The following BEGAIN variants were observed in gnomAD, a reference collection of about 807,000 sequenced individuals.
The protein encoded by BEGAIN is brain enriched guanylate kinase associated.
BEGAIN carries 19 observed loss-of-function variants against 35.8 expected under a neutral mutation model. The ratio of observed to expected loss-of-function variants is 0.53; its 90% CI spans 0.37 to 0.78. The LOEUF is 0.78. Among genes scored for constraint, BEGAIN ranks in the 30% least tolerant of loss-of-function variants. The probability of loss-of-function intolerance (pLI) is 0.00; values close to 1 mark genes in which losing one functional copy is unlikely to be tolerated. For missense variants in BEGAIN, 795 were observed against 853.6 expected (o/e 0.93, Z 0.85); for synonymous variants, 462 against 388.6 (o/e 1.19, Z -2.22).
At chr14:100,545,372 G>A (rs536776191) in intron 3 of BEGAIN, 10 of 1,211,082 alleles carry the variant, frequency 8.3e-6, no homozygotes, top group East Asian at 8.4e-5. Flanking sequence ...ATCCACACGC[G>A]GAGCCAGTTT....
rs1398236670 is a variant in BEGAIN, at chr14:100,537,967, GCT to G, written c.1839_*1del. 6.2e-7 allele frequency: 1 copy of G among 1,603,852 alleles called. No individual in the cohort carries two copies. The highest frequency in any genetic ancestry group is 8.5e-7 in the Non-Finnish European group (1 of 1,176,496). On this transcript the variant is annotated stop_lost and 3_prime_UTR_variant, in exon 7 of 7. Coordinates refer to ENST00000554140, the MANE Select transcript of BEGAIN (RefSeq NM_001385089.1). ...ACCACGGCCAGGCCTGCACGCAGGC[GCT>G]CAGTTGAGCAAGGTTCCGTAGAGCT...
intron 1 of BEGAIN, among the ~76,000 whole-genome samples, chr14:100,583,002 G>A (rs901371050): frequency 4.0e-5 from 6 of 150,600 alleles, no homozygotes; most frequent in East Asian, 2.0e-4. Context: ...TCAACCAACC[G>A]TCCTTCACCA....
At chr14:100,566,519 C>G (rs112203900) in intron 2 of BEGAIN, among the ~76,000 whole-genome samples, 28 of 152,304 alleles carry the variant, frequency 1.8e-4, no homozygotes, top group African/African-American at 2.2e-4. Context: ...TTTCCTCCCC[C>G]CCACAGGCGG....
chr14:100,568,092 G>C lies in BEGAIN; in HGVS notation c.43-153C>G, dbSNP rs564618497. Reference sequence around the variant, plus strand: ...CCGCGCGTCCCCAGCTTCCAGTCCCGGCCGCGGCCCCCGTGACTCAGTGGG... The same window carrying C: ...CCGCGCGTCCCCAGCTTCCAGTCCCCGCCGCGGCCCCCGTGACTCAGTGGG... On this transcript the variant is annotated intron_variant, in intron 1 of 6. Transcript: ENST00000554140. This position sits in a 1 kb window ranked among gnomAD's most constrained non-coding sequence, Gnocchi z 7.5. 1 of 1,048,858 alleles carries C rather than the reference G, an allele frequency of 9.5e-7. No homozygotes were observed. Among genetic ancestry groups the C allele is most frequent in the Non-Finnish European group, 1.1e-6 (1 of 873,012 alleles). 65.0% of individuals were successfully genotyped at this position (1,048,858 alleles called of 1,614,324 possible). A position where few individuals can be genotyped will look rare whatever the true frequency, so the allele number is the denominator to read the frequency against.
chr14:100,539,827 G>A (rs1388161149), intron 6 of BEGAIN, among the ~76,000 whole-genome samples: 3 of 152,324 alleles, frequency 2.0e-5, no homozygotes, highest in African/African-American at 7.2e-5. Context: ...GAGGGCCAGG[G>A]CTGAGAGCGC....
chr14:100,557,767 T>C (rs2033888007), intron 2 of BEGAIN, among the ~76,000 whole-genome samples: 1 of 152,076 alleles, frequency 6.6e-6, no homozygotes, highest in Admixed American at 6.5e-5. Flanking sequence ...CCCTCGACTT[T>C]CCTGGAAAGT....
chr14:100,578,862 T>G (rs1478845994), intron 1 of BEGAIN, among the ~76,000 whole-genome samples: 1 of 150,594 alleles, frequency 6.6e-6, no homozygotes, highest in Non-Finnish European at 1.5e-5. Flanking sequence ...GGTACTTTTT[T>G]TTTTTTTTTT....
rs1474990588 is a variant in BEGAIN, at chr14:100,538,711, G to A, written c.1097C>T (p.Pro366Leu). 5 of 1,563,740 alleles carry A rather than the reference G, an allele frequency of 3.2e-6. No individual in the cohort carries two copies. Among genetic ancestry groups the A allele is most frequent in the Non-Finnish European group, 4.3e-6 (5 of 1,154,544 alleles). ...CGCGGCCGTGGCCTTGGCAAAGCGA[G>A]GGCTGCCCTCGTAGGTGGTGGCGGG... is the stretch of plus-strand genomic sequence containing the variant. ...KPPATTYEGS[P>L]RFAKATAAVA... Residue 366 changes from proline (P) to leucine (L), a missense_variant, in exon 7 of 7, where the codon CCT becomes CTT. Coordinates refer to ENST00000554140, the MANE Select transcript of BEGAIN (RefSeq NM_001385089.1).
intron 1 of BEGAIN, among the ~76,000 whole-genome samples, chr14:100,571,082 C>T (rs937689699): frequency 1.3e-5 from 2 of 152,146 alleles, no homozygotes; most frequent in Non-Finnish European, 2.9e-5. Flanking sequence ...GGGGACAGTC[C>T]TCATGGCACA....
chr14:100,570,748 G>A (rs1595147223), intron 1 of BEGAIN, among the ~76,000 whole-genome samples: 1 of 151,922 alleles, frequency 6.6e-6, no homozygotes, highest in Admixed American at 6.6e-5. Flanking sequence ...CTCCCATGAG[G>A]CTCCTGCACG....
At chr14:100,564,546 G>A (rs1045563917) in intron 2 of BEGAIN, among the ~76,000 whole-genome samples, 4 of 152,162 alleles carry the variant, frequency 2.6e-5, no homozygotes, top group African/African-American at 2.4e-5. Context: ...CCGGGACTTG[G>A]TAATATCTAT....
chr14:100,571,648 G>A (rs894033979), intron 1 of BEGAIN, among the ~76,000 whole-genome samples: 3 of 152,180 alleles, frequency 2.0e-5, no homozygotes, highest in African/African-American at 7.2e-5. Flanking sequence ...CCCCAGACAA[G>A]GTGGAGGGGG....
intron 2 of BEGAIN, chr14:100,547,284 T>G (rs2032653593): frequency 1.3e-5 from 2 of 152,294 alleles, no homozygotes. Context: ...TGAGGCTGCA[T>G]GCAGCACGGG....
chr14:100,554,045 G>A (rs1243716359), intron 2 of BEGAIN, among the ~76,000 whole-genome samples: 3 of 152,222 alleles, frequency 2.0e-5, no homozygotes, highest in African/African-American at 7.2e-5. Context: ...GGGCCACCGG[G>A]CCCATGCCCT....
At chr14:100,582,370 C>T (rs2035338244) in intron 1 of BEGAIN, among the ~76,000 whole-genome samples, 1 of 152,192 alleles carries the variant, frequency 6.6e-6, no homozygotes, top group Non-Finnish European at 1.5e-5. Flanking sequence ...GTCTTGATCT[C>T]CTGACCTCGT....
intron 2 of BEGAIN, among the ~76,000 whole-genome samples, chr14:100,553,774 C>T (rs1566969028): frequency 6.6e-6 from 1 of 152,216 alleles, no homozygotes; most frequent in Admixed American, 6.5e-5. Context: ...CTGGACAACC[C>T]TCCTGCTGGG....
chr14:100,541,872 C>G (rs1051764807), intron 5 of BEGAIN, among the ~76,000 whole-genome samples: 2 of 152,234 alleles, frequency 1.3e-5, no homozygotes, highest in Admixed American at 6.5e-5. Flanking sequence ...TCACGGGACA[C>G]TCTGGCAGAG....
chr14:100,553,592 C>G (rs1022644392), intron 2 of BEGAIN, among the ~76,000 whole-genome samples: 1 of 152,152 alleles, frequency 6.6e-6, no homozygotes, highest in African/African-American at 2.4e-5. Flanking sequence ...TCCATGCTGT[C>G]CTCTCCCCTG....
At position 100,563,714 on chromosome 14, in the gene BEGAIN, C is replaced by A. The variant is rs2034464103; in HGVS notation, c.71+4197G>T. On this transcript the variant is annotated intron_variant, in intron 2 of 6. Transcript: ENST00000554140. The surrounding 1 kb of genome is among the most constrained non-coding windows in gnomAD (Gnocchi z 4.2). ...TGCCCCGGAGGTTCCACTGAGGGTG[C>A]ACACCCAGAATCGCAGCCCACATCC... Among the ~76,000 whole-genome samples the A allele has an allele frequency of 6.6e-6, 1 of 152,190 alleles. No individual in the cohort carries two copies. The highest frequency in any genetic ancestry group is 2.1e-4 in the South Asian group (1 of 4,830).
Sources: gnomAD v4.1 joint callset for allele counts (sites outside exome capture counted in the v4.1 genomes callset) on GRCh38, gnomAD v4.1.1 for gene constraint, Gnocchi (gnomAD v3.1) non-coding constraint, MANE v1.5 for transcripts, NCBI Gene and HGNC (gene_info 2026-07-23, HGNC 2026-07-21) for gene names.